ZFAT: variants seen among roughly 807,000 people sequenced by gnomAD.
ZFAT encodes zinc finger protein ZFAT.
ZFAT carries 64 observed loss-of-function variants against 117.7 expected under a neutral mutation model. The ratio of observed to expected loss-of-function variants is 0.54; its 90% CI spans 0.44 to 0.67. The LOEUF is 0.67. Among genes scored for constraint, ZFAT ranks in the 30% least tolerant of loss-of-function variants. The pLI is 0.00. For missense variants in ZFAT, 1,433 were observed against 1,584.5 expected, an observed-to-expected ratio of 0.90 and a Z score of 1.62; for synonymous variants, 679 against 615.0, an observed-to-expected ratio of 1.10 and a Z score of -1.54.
intron 3 of ZFAT, among the ~76,000 whole-genome samples, chr8:134,629,383 C>T (rs1276227467): frequency 6.6e-6 from 1 of 151,964 alleles, no homozygotes; most frequent in Non-Finnish European, 1.5e-5. Flanking sequence ...GTGACGGTCA[C>T]CAAGCATTTC....
chr8:134,681,269 G>T (rs572693028), intron 1 of ZFAT, among the ~76,000 whole-genome samples: 1 of 152,302 alleles, frequency 6.6e-6, no homozygotes, highest in African/African-American at 2.4e-5. Context: ...GGTCTGAAGG[G>T]CTGGCTGTGG....
chr8:134,534,870 G>A (rs141274069), intron 11 of ZFAT, among the ~76,000 whole-genome samples: 7 of 151,964 alleles, frequency 4.6e-5, no homozygotes, highest in South Asian at 2.1e-4. Flanking sequence ...CTCCTTCCTC[G>A]TAGGCCCCTT....
At chr8:134,739,299 G>C in the ZFAT span, among the ~76,000 whole-genome samples, 3 of 151,598 alleles carry the variant, frequency 2.0e-5, no homozygotes, top group East Asian at 5.8e-4. Flanking sequence ...GTGTGTGTGT[G>C]TGTGTGTGTG....
the ZFAT span, among the ~76,000 whole-genome samples, chr8:134,799,926 T>C: frequency 6.6e-6 from 1 of 152,216 alleles, no homozygotes; most frequent in Non-Finnish European, 1.5e-5. Flanking sequence ...ACTGTACTAA[T>C]GAACAACTTT....
intron 3 of ZFAT, among the ~76,000 whole-genome samples, chr8:134,631,421 G>T (rs552882774): frequency 1.3e-5 from 2 of 152,210 alleles, no homozygotes; most frequent in Non-Finnish European, 2.9e-5. Context: ...TGGTAACGGG[G>T]CAGGAGTCGG....
At chr8:134,740,659 T>G in the ZFAT span, among the ~76,000 whole-genome samples, 2 of 152,146 alleles carry the variant, frequency 1.3e-5, no homozygotes, top group African/African-American at 4.8e-5. Context: ...CAAGGGCCGC[T>G]CACATGGAAT....
At chr8:134,584,225 T>C (rs529145079) in intron 9 of ZFAT, among the ~76,000 whole-genome samples, 5 of 152,294 alleles carry the variant, frequency 3.3e-5, no homozygotes, top group Non-Finnish European at 5.9e-5. Context: ...TGGGATGCCC[T>C]TGCCTCCTGG....
chr8:134,479,786 G>A (rs971723657), intron 15 of ZFAT, among the ~76,000 whole-genome samples: 2 of 152,058 alleles, frequency 1.3e-5, no homozygotes, highest in Admixed American at 6.5e-5. Context: ...AAGCTACGAG[G>A]CCTGGGCAAG....
chr8:134,602,909 G>A lies in ZFAT; in HGVS notation c.810C>T (p.Ile270=). The A allele has an allele frequency of 6.2e-7, 1 of 1,612,056 alleles. No homozygotes were observed. Among genetic ancestry groups the A allele is most frequent in the Non-Finnish European group, 8.5e-7 (1 of 1,178,878 alleles). The change falls in exon 6 of 16, where the codon ATC becomes ATT. Residue 270 remains isoleucine (I), a synonymous_variant. Transcript: ENST00000377838. Reference sequence around the variant, plus strand: ...CCTTGTTGCAGTATTCACAAGTGAAGATTTTGAGCTGAGTGGGACCTAGCC... The same window carrying A: ...CCTTGTTGCAGTATTCACAAGTGAAAATTTTGAGCTGAGTGGGACCTAGCC... ...SSRLGPTQLK[I]FTCEYCNKVF... is the part of the protein sequence containing the mutation.
chr8:134,739,893 A>G, the ZFAT span, among the ~76,000 whole-genome samples: 1 of 152,132 alleles, frequency 6.6e-6, no homozygotes, highest in African/African-American at 2.4e-5. Context: ...TGGTAGTGAG[A>G]AGGAATTAAT....
chr8:134,485,917 AG>A (rs1006139282), intron 15 of ZFAT, among the ~76,000 whole-genome samples: 7 of 152,218 alleles, frequency 4.6e-5, no homozygotes, highest in Admixed American at 6.5e-5. Context: ...CTTTCAAAAC[AG>A]GGTGCGAAGA....
intron 1 of ZFAT, among the ~76,000 whole-genome samples, chr8:134,707,611 C>A (rs1834186202): frequency 6.6e-6 from 1 of 152,126 alleles, no homozygotes; most frequent in African/African-American, 2.4e-5. Flanking sequence ...GCCAGGACAC[C>A]CCAAGCTCTC....
At chr8:134,810,797 T>C in the ZFAT span, among the ~76,000 whole-genome samples, 1 of 152,200 alleles carries the variant, frequency 6.6e-6, no homozygotes, top group African/African-American at 2.4e-5. Context: ...GTTAAAAGCA[T>C]TTACAGATTG....
rs145842456 is a variant in ZFAT at position 134,676,075 on chromosome 8, A to C, written c.20-18338T>G. The stretch of plus-strand genomic sequence containing the variant: ...AACCAGCCAGCATCATAATGACAGG[A>C]TCAAATTCACACATAACAATATCAA... On this transcript the variant is annotated intron_variant, in intron 1 of 15. Coordinates refer to ENST00000377838, the MANE Select transcript of ZFAT (RefSeq NM_020863.4). Among the ~76,000 whole-genome samples the C allele has an allele frequency of 4.6e-3, 693 of 152,262 alleles. 20 individuals carry two copies. In the East Asian group the frequency reaches 0.069, roughly 15 times the overall value.
Position 134,478,639 on chromosome 8 carries a change from T to C in ZFAT, c.3575A>G (p.Gln1192Arg), listed in dbSNP as rs1817053073. 1.9e-6 allele frequency: 3 copies of C among 1,584,596 alleles called. No homozygotes were observed. Among genetic ancestry groups the C allele is most frequent in the Non-Finnish European group, 2.6e-6 (3 of 1,165,934 alleles). Reference sequence around the variant, plus strand: ...GTCGGAGGACACCACCAGGTGGTGCTGCTCGGCAAGCTCCACGGACGCTTG... The same window carrying C: ...GTCGGAGGACACCACCAGGTGGTGCCGCTCGGCAAGCTCCACGGACGCTTG... ...VQQASVELAE[Q>R]HHLVVSSDDV... Residue 1192 changes from glutamine to arginine, a missense_variant, in exon 16 of 16, where the codon CAG becomes CGG. Transcript: ENST00000377838. This position sits in a 1 kb window ranked among gnomAD's most constrained non-coding sequence, Gnocchi z 5.2.
rs112227268 is a variant in ZFAT, at chr8:134,697,546, C to T, written c.19+15299G>A. Reference sequence around the variant, plus strand: ...ATCCAGACCATCCTGGCTAACACGGCGAAACCCCGTCTCTACTAAAAATAC... The same window carrying T: ...ATCCAGACCATCCTGGCTAACACGGTGAAACCCCGTCTCTACTAAAAATAC... On this transcript the variant is annotated intron_variant, in intron 1 of 15. Coordinates refer to ENST00000377838, the MANE Select transcript of ZFAT (RefSeq NM_020863.4). Among the ~76,000 whole-genome samples the T allele has an allele frequency of 7.1e-4, 106 of 150,068 alleles. 1 individual carries two copies. The highest frequency in any genetic ancestry group is 2.4e-3 in the African/African-American group (100 of 41,236).
chr8:134,783,554 G>A, the ZFAT span: 2 of 152,166 alleles, frequency 1.3e-5, no homozygotes, highest in Admixed American at 6.5e-5. Context: ...TGCTGTAAGT[G>A]ACCAAATAGC....
chr8:134,829,811 G>A, the ZFAT span, among the ~76,000 whole-genome samples: 1 of 151,986 alleles, frequency 6.6e-6, no homozygotes, highest in African/African-American at 2.4e-5. Context: ...CTCTAAAAAT[G>A]TCACCCAAAA....
the ZFAT span, among the ~76,000 whole-genome samples, chr8:134,814,157 A>G: frequency 1.3e-5 from 2 of 152,224 alleles, no homozygotes; most frequent in Admixed American, 1.3e-4. Context: ...TACTTGTTCT[A>G]TGAATGTATT....
Sources: gnomAD v4.1 joint callset for allele counts (sites outside exome capture counted in the v4.1 genomes callset) on GRCh38, gnomAD v4.1.1 for gene constraint, Gnocchi (gnomAD v3.1) non-coding constraint, MANE v1.5 for transcripts, NCBI Gene and HGNC (gene_info 2026-07-23, HGNC 2026-07-21) for gene names.